Variants in PTPRG observed in about 807,000 individuals in gnomAD.
The protein encoded by PTPRG is protein tyrosine phosphatase receptor type G.
Under a neutral mutation model 165.3 loss-of-function variants are expected in PTPRG, and 102 were observed. The ratio of observed to expected loss-of-function variants is 0.62; its 90% CI spans 0.53 to 0.73. The LOEUF is 0.73. Ranked by LOEUF, PTPRG falls within the 30% of genes least tolerant of loss-of-function variation. The pLI, the probability that PTPRG is intolerant of heterozygous loss-of-function variation, is 0.00. For synonymous variants in PTPRG, 675 were observed against 669.5 expected (o/e 1.01, Z -0.13); for missense variants, 1,866 against 1,861.4 (o/e 1.00, Z -0.05).
chr3:62,149,511 A>G (rs1290306965), intron 6 of PTPRG, among the ~76,000 whole-genome samples: 2 of 151,980 alleles, frequency 1.3e-5, no homozygotes, highest in African/African-American at 4.8e-5. Context: ...CAGGTGACCC[A>G]CCCACCTTGG....
At chr3:62,045,492 A>G (rs1448815277) in intron 4 of PTPRG, among the ~76,000 whole-genome samples, 1 of 152,162 alleles carries the variant, frequency 6.6e-6, no homozygotes, top group Non-Finnish European at 1.5e-5. Context: ...ACAGACATGA[A>G]CTGTGTAGAG....
intron 4 of PTPRG, among the ~76,000 whole-genome samples, chr3:62,017,681 C>G (rs1246347076): frequency 6.6e-6 from 1 of 152,060 alleles, no homozygotes; most frequent in African/African-American, 2.4e-5. Context: ...GCCTCGGCCT[C>G]CCAAAGTGCT....
chr3:61,627,828 G>A (rs1488462455), intron 1 of PTPRG, among the ~76,000 whole-genome samples: 1 of 152,178 alleles, frequency 6.6e-6, no homozygotes, highest in Non-Finnish European at 1.5e-5. Flanking sequence ...AACTTGGGGG[G>A]AAATGAATAA....
At chr3:61,936,144 C>T (rs2039479019) in intron 2 of PTPRG, among the ~76,000 whole-genome samples, 2 of 152,226 alleles carry the variant, frequency 1.3e-5, no homozygotes, top group South Asian at 2.1e-4. Flanking sequence ...TCTCATCAGA[C>T]ATCAGTCCTG....
chr3:62,285,578 A>G (rs1392099727), intron 28 of PTPRG, among the ~76,000 whole-genome samples: 1 of 148,876 alleles, frequency 6.7e-6, no homozygotes, highest in East Asian at 2.0e-4. Flanking sequence ...TAGATAAGTG[A>G]GCTAAGAATA....
Position 61,944,839 on chromosome 3 carries a change from G to A in PTPRG, c.191-44786G>A, listed in dbSNP as rs1316312042. 5.3e-5 allele frequency among the ~76,000 whole-genome samples: 8 copies of A among 151,990 alleles called. 1 individual carries two copies. Among genetic ancestry groups the A allele is most frequent in the Non-Finnish European group, 7.4e-5 (5 of 67,998 alleles). On this transcript the variant is annotated intron_variant, in intron 2 of 29. Transcript: ENST00000474889. ...TTAGTTATTGAATTAAAATCTTTTG[G>A]GACCCCAACAGGATGAGATCATTGG...
At position 62,224,835 on chromosome 3, in the gene PTPRG, A is replaced by G. The variant is rs112778642; in HGVS notation, c.2288+5852A>G. ...TTAGCTGAGCTGTTTCAGGTAGGACACTATAGTTCTCCCTTGAATGTCCCT... is the reference window on the plus strand; with the variant it reads ...TTAGCTGAGCTGTTTCAGGTAGGACGCTATAGTTCTCCCTTGAATGTCCCT... On this transcript the variant is annotated intron_variant, in intron 13 of 29. Coordinates refer to ENST00000474889, the MANE Select transcript of PTPRG (RefSeq NM_002841.4). The surrounding 1 kb of genome is among the most constrained non-coding windows in gnomAD (Gnocchi z 4.9). Among the ~76,000 whole-genome samples the G allele has an allele frequency of 1.5e-3, 231 of 152,286 alleles. 2 individuals are homozygous for G. The highest frequency in any genetic ancestry group is 5.2e-3 in the African/African-American group (217 of 41,562).
At chr3:61,727,556 G>A (rs1575613620) in intron 1 of PTPRG, among the ~76,000 whole-genome samples, 1 of 152,176 alleles carries the variant, frequency 6.6e-6, no homozygotes, top group Admixed American at 6.5e-5. Flanking sequence ...TTGGTTTAAA[G>A]GACATTTTGA....
intron 20 of PTPRG, among the ~76,000 whole-genome samples, chr3:62,270,080 T>C (rs918668624): frequency 6.6e-6 from 1 of 152,144 alleles, no homozygotes; most frequent in African/African-American, 2.4e-5. Context: ...AATGTGAAAC[T>C]GCAGATAAGG....
intron 1 of PTPRG, among the ~76,000 whole-genome samples, chr3:61,603,628 C>T (rs1559520217): frequency 1.3e-5 from 2 of 152,196 alleles, no homozygotes; most frequent in African/African-American, 4.8e-5. Flanking sequence ...TTTATTGCCT[C>T]ACAGTTGTGG....
At chr3:62,234,037 CATATATA>C (rs1043457793) in intron 14 of PTPRG, among the ~76,000 whole-genome samples, 12 of 152,312 alleles carry the variant, frequency 7.9e-5, no homozygotes, top group African/African-American at 2.4e-4. Context: ...GATTGTTACA[CATATATA>C]ATATATAAGC....
chr3:61,745,539 G>A (rs1433279651), intron 1 of PTPRG, among the ~76,000 whole-genome samples: 1 of 152,188 alleles, frequency 6.6e-6, no homozygotes, highest in Non-Finnish European at 1.5e-5. Context: ...AACCCACTTT[G>A]TACCTCAATA....
chr3:62,021,743 AT>A (rs2041695866), intron 4 of PTPRG, among the ~76,000 whole-genome samples: 1 of 152,130 alleles, frequency 6.6e-6, no homozygotes, highest in African/African-American at 2.4e-5. Context: ...GAAACTGTCT[AT>A]AATAATAGTG....
intron 2 of PTPRG, among the ~76,000 whole-genome samples, chr3:61,893,830 G>C (rs1042123958): frequency 6.6e-6 from 1 of 152,162 alleles, no homozygotes; most frequent in African/African-American, 2.4e-5. Flanking sequence ...TTTCGTTTAT[G>C]CAAACAACTC....
At chr3:62,177,143 G>T (rs767655835) in intron 8 of PTPRG, among the ~76,000 whole-genome samples, 5 of 151,868 alleles carry the variant, frequency 3.3e-5, no homozygotes, top group Non-Finnish European at 5.9e-5. Context: ...CATTAGCTGG[G>T]CTTGGTAGCA....
chr3:61,825,610 A>G (rs1490220883), intron 2 of PTPRG, among the ~76,000 whole-genome samples: 4 of 152,046 alleles, frequency 2.6e-5, no homozygotes, highest in Admixed American at 6.6e-5. Flanking sequence ...AGACCAAGAT[A>G]AGGTCTTAGT....
At chr3:61,784,070 A>G (rs1398394353) in intron 2 of PTPRG, among the ~76,000 whole-genome samples, 2 of 152,152 alleles carry the variant, frequency 1.3e-5, no homozygotes, top group African/African-American at 4.8e-5. Flanking sequence ...AAGCTGAAAA[A>G]CCAAGAGGAA....
At chr3:61,750,607 C>T (rs2033388984) in intron 2 of PTPRG, 1 of 152,164 alleles carries the variant, frequency 6.6e-6, no homozygotes, top group Non-Finnish European at 1.5e-5. Flanking sequence ...CACACTTTTT[C>T]TGAAAAGATC....
At chr3:62,265,064 T>A (rs1447225114) in intron 17 of PTPRG, among the ~76,000 whole-genome samples, 1 of 152,208 alleles carries the variant, frequency 6.6e-6, no homozygotes, top group Non-Finnish European at 1.5e-5. Context: ...CATCTTTTCG[T>A]GCTTATTGGC....
Sources: allele counts gnomAD v4.1 joint callset (sites outside exome capture counted in the v4.1 genomes callset), GRCh38; gene constraint gnomAD v4.1.1; non-coding constraint Gnocchi (gnomAD v3.1); transcripts MANE v1.5; gene names NCBI Gene and HGNC (gene_info 2026-07-23, HGNC 2026-07-21).